The following NPTXR variants were observed in gnomAD, a reference collection of about 807,000 sequenced individuals.
NPTXR encodes the protein neuronal pentraxin receptor.
A neutral mutation model predicts 32.2 loss-of-function variants in NPTXR; 12 were observed. The ratio of observed to expected loss-of-function variants is 0.37; its 90% CI spans 0.24 to 0.60. The LOEUF (loss-of-function observed/expected upper bound fraction) is 0.60. Ranked by LOEUF, NPTXR falls within the 20% of genes least tolerant of loss-of-function variation. NPTXR has a pLI of 0.66. For missense variants in NPTXR, 612 were observed against 682.9 expected (o/e 0.90, Z 1.16); for synonymous variants, 323 against 315.8 (o/e 1.02, Z -0.24).
At chr22:38,831,970 C>T (rs1280320657) in intron 1 of NPTXR, among the ~76,000 whole-genome samples, 1 of 152,160 alleles carries the variant, frequency 6.6e-6, no homozygotes, top group African/African-American at 2.4e-5. Flanking sequence ...ACCCCTGGAG[C>T]CAGCATCTCC....
At chr22:38,839,696 C>G (rs2093129326) in intron 1 of NPTXR, among the ~76,000 whole-genome samples, 1 of 150,566 alleles carries the variant, frequency 6.6e-6, no homozygotes, top group Non-Finnish European at 1.5e-5. Context: ...CCCAGTAATA[C>G]CACTCCTGGG....
rs1355342267 is a variant in NPTXR at position 38,826,708 on chromosome 22, C to T, written c.890G>A (p.Ser297Asn). ...CATGTAGTTGTTACGGATGGGGATGCTGATCTTGAAGGCATCTGGAGGACT... is the reference window on the plus strand; with the variant it reads ...CATGTAGTTGTTACGGATGGGGATGTTGATCTTGAAGGCATCTGGAGGACT... Residue 297 changes from serine (S) to asparagine (N), a missense_variant, in exon 3 of 5, where the codon AGC becomes AAC. Transcript: ENST00000333039. The T allele has an allele frequency of 6.2e-7, 1 of 1,614,028 alleles. No individual in the cohort carries two copies. The highest frequency in any genetic ancestry group is 8.5e-7 in the Non-Finnish European group (1 of 1,180,008).
intron 1 of NPTXR, among the ~76,000 whole-genome samples, chr22:38,831,686 G>A (rs1211557012): frequency 6.6e-6 from 1 of 151,962 alleles, no homozygotes; most frequent in Non-Finnish European, 1.5e-5. Context: ...TCATCTCAGG[G>A]CTGGAAGGGC....
At chr22:38,833,412 C>T (rs1222900456) in intron 1 of NPTXR, among the ~76,000 whole-genome samples, 1 of 152,220 alleles carries the variant, frequency 6.6e-6, no homozygotes, top group Non-Finnish European at 1.5e-5. Flanking sequence ...CCCTCACCTC[C>T]CCCATCCAAC....
chr22:38,828,575 A>G (rs576934340), intron 1 of NPTXR, 63 bp from the exon 2 acceptor site: 15 of 1,362,716 alleles, frequency 1.1e-5, no homozygotes, highest in Middle Eastern at 2.5e-4. Flanking sequence ...GGGAACACTC[A>G]GATGCCTACC....
At position 38,828,414 on chromosome 22, in the gene NPTXR, C is replaced by T. The variant is rs752465565; in HGVS notation, c.723G>A (p.Gln241=). The change falls in exon 2 of 5, where the codon CAG becomes CAA. Residue 241 remains glutamine, a synonymous_variant. Transcript: ENST00000333039. The stretch of plus-strand genomic sequence containing the variant: ...CCAGTGCCAGCACCTGGGCCAGCAG[C>T]TGCCCCTCCAGCTGGTCCATCTTGG... 1 of 1,612,772 alleles carries T rather than the reference C, an allele frequency of 6.2e-7. No individual in the cohort carries two copies. Among genetic ancestry groups the T allele is most frequent in the Non-Finnish European group, 8.5e-7 (1 of 1,179,864 alleles).
intron 1 of NPTXR, among the ~76,000 whole-genome samples, chr22:38,829,996 ACTC>A (rs1017913479): frequency 1.3e-5 from 2 of 151,826 alleles, no homozygotes; most frequent in African/African-American, 4.8e-5. Context: ...TGAGCTGTGC[ACTC>A]CTCCTTAACT....
intron 1 of NPTXR, among the ~76,000 whole-genome samples, chr22:38,841,533 ACGAGGAAGTTTATT>A (rs1266305781): frequency 6.6e-6 from 1 of 152,278 alleles, no homozygotes. Context: ...TATGGCAGGC[ACGAGGAAGTTTATT>A]CAATGAAAGT....
chr22:38,843,667 G>T lies in NPTXR; in HGVS notation c.192C>A (p.Gly64=), dbSNP rs965943267. 9.8e-7 allele frequency: 1 copy of T among 1,019,414 alleles called. No individual in the cohort carries two copies. Among genetic ancestry groups the T allele is most frequent in the Non-Finnish European group, 1.2e-6 (1 of 854,474 alleles). 63.1% of individuals were successfully genotyped at this position (1,019,414 alleles called of 1,614,324 possible). A position where few individuals can be genotyped will look rare whatever the true frequency, so the allele number is the denominator to read the frequency against. ...CGGGGGGCCCGGCTGAACCGCCCGC[G>T]CCGTGCAGCGCGCTCAGGCTCCGCT... is the stretch of plus-strand genomic sequence containing the variant. The change falls in exon 1 of 5, where the codon GGC becomes GGA. Residue 64 remains glycine, a synonymous_variant. Coordinates refer to ENST00000333039, the MANE Select transcript of NPTXR (RefSeq NM_014293.4). The surrounding 1 kb of genome is among the most constrained non-coding windows in gnomAD (Gnocchi z 5.3).
chr22:38,839,236 C>T (rs1341584154), intron 1 of NPTXR, among the ~76,000 whole-genome samples: 2 of 152,186 alleles, frequency 1.3e-5, no homozygotes. Context: ...CTTGAAGTTC[C>T]GTTGTATACA....
At chr22:38,840,314 G>GC (rs2093130053) in intron 1 of NPTXR, among the ~76,000 whole-genome samples, 1 of 152,184 alleles carries the variant, frequency 6.6e-6, no homozygotes, top group Admixed American at 6.5e-5. Context: ...GCAGGAATGT[G>GC]CTGGGGGTGA....
At position 38,843,649 on chromosome 22, in the gene NPTXR, C is replaced by T; in HGVS notation, c.210G>A (p.Gly70=). The T allele has an allele frequency of 9.5e-7, 1 of 1,052,382 alleles. No individual in the cohort carries two copies. The highest frequency in any genetic ancestry group is 1.1e-6 in the Non-Finnish European group (1 of 875,904). The allele number at this position is 1,052,382 out of a possible 1,614,324, so 65.2% of individuals were successfully genotyped here. A position where few individuals can be genotyped will look rare whatever the true frequency, so the allele number is the denominator to read the frequency against. ...CGGGTGCCCCGGGCAGCGCGGGGGG[C>T]CCGGCTGAACCGCCCGCGCCGTGCA... The change falls in exon 1 of 5, where the codon GGG becomes GGA. Residue 70 remains glycine (G), a synonymous_variant. Coordinates refer to ENST00000333039, the MANE Select transcript of NPTXR (RefSeq NM_014293.4). The surrounding 1 kb of genome is among the most constrained non-coding windows in gnomAD (Gnocchi z 5.3).
In NPTXR at chr22:38,843,332, C is replaced by T. The variant is rs759078068; in HGVS notation, c.527G>A (p.Arg176His). ...CCAGGGCCCGTCGGCCATGGTGTCG[C>T]GGCGGGGCCCGGCGCCCTGGAGGCC... The change falls in exon 1 of 5, where the codon CGC (arginine) becomes CAC (histidine). Residue 176 changes from arginine (R) to histidine (H), a missense_variant. Arg to His is a conservative substitution (Grantham distance 29). Transcript: ENST00000333039. This position sits in a 1 kb window ranked among gnomAD's most constrained non-coding sequence, Gnocchi z 5.3. 1 of 1,414,258 alleles carries T rather than the reference C, an allele frequency of 7.1e-7. No individual in the cohort carries two copies. Among genetic ancestry groups the T allele is most frequent in the Non-Finnish European group, 9.2e-7 (1 of 1,091,816 alleles). The allele number at this position is 1,414,258 out of a possible 1,614,324, so 87.6% of individuals were successfully genotyped here.
intron 3 of NPTXR, 37 bp downstream of exon 3, chr22:38,826,463 C>A: frequency 6.4e-7 from 1 of 1,571,438 alleles, no homozygotes; most frequent in South Asian, 1.2e-5. Context: ...GAAGGGTGGC[C>A]CTCCCCCAGC....
chr22:38,823,832 C>T (rs1398493256), intron 3 of NPTXR, among the ~76,000 whole-genome samples: 4 of 152,314 alleles, frequency 2.6e-5, no homozygotes, highest in East Asian at 1.9e-4. Context: ...CAATCAATCA[C>T]GAGCCTCGAT....
chr22:38,843,296 G>C lies in NPTXR; in HGVS notation c.563C>G (p.Ala188Gly), dbSNP rs1436832847. 2 of 1,439,004 alleles carry C rather than the reference G, an allele frequency of 1.4e-6. No homozygotes were observed. Among genetic ancestry groups the C allele is most frequent in the South Asian group, 2.7e-5 (2 of 72,818 alleles). 89.1% of individuals were successfully genotyped at this position (1,439,004 alleles called of 1,614,324 possible). ...GGCGTCCTCCAGCTCCAGAATGAGC[G>C]CAGGCGAGTCCCAGGGCCCGTCGGC... Residue 188 changes from alanine to glycine, a missense_variant, in exon 1 of 5, where the codon GCG becomes GGG. Coordinates refer to ENST00000333039, the MANE Select transcript of NPTXR (RefSeq NM_014293.4). This position sits in a 1 kb window ranked among gnomAD's most constrained non-coding sequence, Gnocchi z 5.3.
At chr22:38,832,026 C>T (rs1434510998) in intron 1 of NPTXR, among the ~76,000 whole-genome samples, 2 of 152,282 alleles carry the variant, frequency 1.3e-5, no homozygotes, top group East Asian at 1.9e-4. Context: ...CCAGGAAGAA[C>T]AGAGGGAGGA....
intron 1 of NPTXR, among the ~76,000 whole-genome samples, chr22:38,830,131 C>G (rs2093113865): frequency 6.6e-6 from 1 of 152,184 alleles, no homozygotes; most frequent in East Asian, 1.9e-4. Context: ...CCAGTGTGGA[C>G]AGCAATGTGA....
intron 3 of NPTXR, among the ~76,000 whole-genome samples, chr22:38,825,645 A>G (rs924879964): frequency 1.3e-5 from 2 of 152,018 alleles, no homozygotes; most frequent in African/African-American, 4.8e-5. Context: ...GAGGTCACAC[A>G]ATGGTGAAGA....
Sources: gnomAD v4.1 joint callset for allele counts (sites outside exome capture counted in the v4.1 genomes callset) on GRCh38, gnomAD v4.1.1 for gene constraint, Gnocchi (gnomAD v3.1) non-coding constraint, MANE v1.5 for transcripts, NCBI Gene and HGNC (gene_info 2026-07-23, HGNC 2026-07-21) for gene names.